The following USPL1 variants were observed in gnomAD, a reference collection of about 807,000 sequenced individuals.
USPL1 encodes SUMO-specific isopeptidase USPL1.
USPL1 carries 27 observed loss-of-function variants against 51.5 expected under a neutral mutation model. The ratio of observed to expected loss-of-function variants is 0.52; its 90% CI spans 0.39 to 0.72. The LOEUF is 0.72. Among genes scored for constraint, USPL1 ranks in the 30% least tolerant of loss-of-function variants. The pLI is 0.00. For missense variants in USPL1, 1,226 were observed against 1,268.0 expected (o/e 0.97, Z 0.50); for synonymous variants, 451 against 459.6 (o/e 0.98, Z 0.24).
intron 7 of USPL1, among the ~76,000 whole-genome samples, chr13:30,652,912 C>T (rs1319250320): frequency 6.6e-6 from 1 of 152,210 alleles, no homozygotes; most frequent in African/African-American, 2.4e-5. Context: ...TAGAGTCATA[C>T]TGCATGATGA....
chr13:30,632,561 C>T (rs1050419105), intron 4 of USPL1, among the ~76,000 whole-genome samples: 2 of 151,770 alleles, frequency 1.3e-5, no homozygotes, highest in African/African-American at 2.4e-5. Flanking sequence ...CTACAGGCGC[C>T]CACCACCAGG....
intron 8 of USPL1, 109 bp from the exon 9 acceptor site, chr13:30,657,365 T>C: frequency 5.4e-6 from 6 of 1,107,930 alleles, no homozygotes; most frequent in Non-Finnish European, 7.6e-6. Flanking sequence ...TTTAGAGTCT[T>C]CTCCTTTGGT....
intron 1 of USPL1, 125 bp from the exon 2 acceptor site, chr13:30,620,948 T>C (rs1207093255): frequency 2.2e-6 from 1 of 449,026 alleles, no homozygotes; most frequent in Non-Finnish European, 3.9e-6. Flanking sequence ...AATTTTAGAA[T>C]ATGTTTATTC....
intron 3 of USPL1, among the ~76,000 whole-genome samples, chr13:30,629,165 A>G (rs1332310710): frequency 6.6e-6 from 1 of 152,180 alleles, no homozygotes; most frequent in Non-Finnish European, 1.5e-5. Flanking sequence ...CATTTCAGTT[A>G]TCTGTTGGTG....
intron 1 of USPL1, among the ~76,000 whole-genome samples, chr13:30,620,093 GCAGTTT>G (rs1453896735): frequency 6.6e-6 from 1 of 152,176 alleles, no homozygotes; most frequent in Admixed American, 6.5e-5. Flanking sequence ...TCTTTAAAAA[GCAGTTT>G]TATTTTTGAA....
chr13:30,621,923 A>G, intron 3 of USPL1, 31 bp downstream of exon 3: 1 of 1,345,590 alleles, frequency 7.4e-7, no homozygotes, highest in Non-Finnish European at 9.7e-7. Flanking sequence ...AGTATATATA[A>G]GATTTTTCTT....
In USPL1 at chr13:30,653,164, A is replaced by G. The variant is rs1951113334; in HGVS notation, c.1255A>G (p.Met419Val). 3 of 1,603,088 alleles carry G rather than the reference A, an allele frequency of 1.9e-6. No homozygotes were observed. The highest frequency in any genetic ancestry group is 2.6e-6 in the Non-Finnish European group (3 of 1,173,544). The change falls in exon 8 of 9, where the codon ATG becomes GTG. Residue 419 changes from methionine (M) to valine (V), a missense_variant. Transcript: ENST00000255304. Reference protein sequence around the residue: ...MVLEKVSPIFMLHFVEGLPQN... With the variant: ...MVLEKVSPIFVLHFVEGLPQN... The stretch of plus-strand genomic sequence containing the variant: ...CTCCCACAGAGTATCTCCCATATTC[A>G]TGTTGCACTTTGTAGAAGGCTTACC...
chr13:30,625,882 A>G (rs892332071), intron 3 of USPL1, among the ~76,000 whole-genome samples: 7 of 152,362 alleles, frequency 4.6e-5, no homozygotes, highest in East Asian at 1.9e-4. Flanking sequence ...CTAGTCAGCA[A>G]TGAGAGCCCA....
At chr13:30,655,098 C>T (rs1033436746) in intron 8 of USPL1, among the ~76,000 whole-genome samples, 12 of 151,932 alleles carry the variant, frequency 7.9e-5, no homozygotes, top group Admixed American at 2.6e-4. Flanking sequence ...CTACCATGCC[C>T]GGCTAATTTT....
intron 5 of USPL1, among the ~76,000 whole-genome samples, chr13:30,639,250 GTA>G (rs1950915360): frequency 6.6e-6 from 1 of 150,554 alleles, no homozygotes; most frequent in Non-Finnish European, 1.5e-5. Flanking sequence ...ATATATGTGT[GTA>G]TGTGTGTGTA....
Position 30,657,948 on chromosome 13 carries a change from C to A in USPL1, c.1871C>A (p.Thr624Asn), listed in dbSNP as rs1210053103. 6.2e-7 allele frequency: 1 copy of A among 1,613,690 alleles called. No individual in the cohort carries two copies. Among genetic ancestry groups the A allele is most frequent in the Admixed American group, 1.7e-5 (1 of 60,018 alleles). Reference sequence around the variant, plus strand: ...AATACAGGAATTCTCAAAACCAATACTTTGCTATCACAAGAATCACTAATG... The same window carrying A: ...AATACAGGAATTCTCAAAACCAATAATTTGCTATCACAAGAATCACTAATG... ...AENTGILKTN[T>N]LLSQESLMAS... The change falls in exon 9 of 9, where the codon ACT (threonine) becomes AAT (asparagine). Residue 624 changes from threonine (T) to asparagine (N), a missense_variant. Transcript: ENST00000255304.
intron 6 of USPL1, 30 bp from the exon 7 acceptor site, chr13:30,646,902 T>G: frequency 6.3e-7 from 1 of 1,592,070 alleles, no homozygotes; most frequent in Non-Finnish European, 8.6e-7. Flanking sequence ...CATTTAACGT[T>G]AATGAATTTG....
intron 3 of USPL1, 55 bp downstream of exon 3, chr13:30,621,947 T>C (rs1950652496): frequency 8.2e-7 from 1 of 1,212,444 alleles, no homozygotes; most frequent in Non-Finnish European, 1.1e-6. Context: ...TCTTTTGCTT[T>C]TTTATTAATT....
Position 30,653,181 on chromosome 13 carries a change from A to G in USPL1, c.1272A>G (p.Glu424=), listed in dbSNP as rs770423148. 7 of 1,609,382 alleles carry G rather than the reference A, an allele frequency of 4.3e-6. No homozygotes were observed. The African/African-American group carries it at 9.4e-5, about 22-fold the overall frequency. ...VSPIFMLHFV[E]GLPQNDLQHY... is the part of the protein sequence containing the mutation. ...CCATATTCATGTTGCACTTTGTAGA[A>G]GGCTTACCACAGAATGACTTGCAGC... Residue 424 remains glutamate (E), a synonymous_variant, in exon 8 of 9, where the codon GAA becomes GAG. Coordinates refer to ENST00000255304, the MANE Select transcript of USPL1 (RefSeq NM_005800.5).
Position 30,658,595 on chromosome 13 carries a change from G to A in USPL1, c.2518G>A (p.Ala840Thr), listed in dbSNP as rs752436688. The A allele has an allele frequency of 3.7e-6, 6 of 1,614,184 alleles. No homozygotes were observed. Among genetic ancestry groups the A allele is most frequent in the East Asian group, 2.2e-5 (1 of 44,884 alleles). ...CCCTCCATCGTCTAATGGCACAGCT[G>A]CCCACCCACATGCTCATGCTGCTTC... The part of the protein sequence containing the change: ...AGPPSSNGTA[A>T]HPHAHAASEV... The change falls in exon 9 of 9, where the codon GCC becomes ACC. Residue 840 changes from alanine to threonine, a missense_variant. Coordinates refer to ENST00000255304, the MANE Select transcript of USPL1 (RefSeq NM_005800.5).
In USPL1 at chr13:30,659,206, A is replaced by G. The variant is rs1265951683; in HGVS notation, c.3129A>G (p.Thr1043=). 1.2e-6 allele frequency: 2 copies of G among 1,614,074 alleles called. No homozygotes were observed. The highest frequency in any genetic ancestry group is 2.7e-5 in the African/African-American group (2 of 74,936). The change falls in exon 9 of 9, where the codon ACA becomes ACG. Residue 1043 remains threonine (T), a synonymous_variant. Transcript: ENST00000255304. The part of the protein sequence containing the change: ...NPCEVQPDSL[T]NNACVRTLNL... ...GTGAAGTTCAGCCAGACTCTCTGAC[A>G]AATAATGCCTGCGTTAGAACATTAA...
chr13:30,620,676 TA>T (rs1950634987), intron 1 of USPL1, among the ~76,000 whole-genome samples: 1 of 152,336 alleles, frequency 6.6e-6, no homozygotes, highest in African/African-American at 2.4e-5. Flanking sequence ...TCCTGTCAAA[TA>T]GTGGCACAAT....
chr13:30,651,439 C>T (rs1951091171), intron 7 of USPL1, among the ~76,000 whole-genome samples: 1 of 151,970 alleles, frequency 6.6e-6, no homozygotes, highest in Non-Finnish European at 1.5e-5. Context: ...TATTAATTTG[C>T]AAAAGAATAG....
rs571118065 is a variant in USPL1, at chr13:30,659,139, G to A, written c.3062G>A (p.Arg1021Lys). 1.2e-6 allele frequency: 2 copies of A among 1,613,998 alleles called. No individual in the cohort carries two copies. Among genetic ancestry groups the A allele is most frequent in the African/African-American group, 1.3e-5 (1 of 74,882 alleles). The change falls in exon 9 of 9, where the codon AGA (arginine) becomes AAA (lysine). Residue 1021 changes from arginine to lysine, a missense_variant. Coordinates refer to ENST00000255304, the MANE Select transcript of USPL1 (RefSeq NM_005800.5). ...FNDVSQNTHLRQDHNYCSPTK... is the reference protein window; with the variant it reads ...FNDVSQNTHLKQDHNYCSPTK... ...GATGTTTCCCAGAACACACATCTGAGACAGGACCATAATTATTGTAGCCCC... is the reference window on the plus strand; with the variant it reads ...GATGTTTCCCAGAACACACATCTGAAACAGGACCATAATTATTGTAGCCCC...
Sources: gnomAD v4.1 joint callset for allele counts (sites outside exome capture counted in the v4.1 genomes callset) on GRCh38, gnomAD v4.1.1 for gene constraint, MANE v1.5 for transcripts, NCBI Gene and HGNC (gene_info 2026-07-23, HGNC 2026-07-21) for gene names.